The following DISC1 variants were observed in gnomAD, a reference collection of about 807,000 sequenced individuals.
DISC1 encodes disrupted in schizophrenia 1 protein.
In DISC1, 57 loss-of-function variants were observed where a neutral mutation model predicts 84.5. The observed-to-expected ratio is 0.67, with a 90% CI of 0.55 to 0.84. The LOEUF is 0.84. Ranked by LOEUF, DISC1 falls within the 40% of genes least tolerant of loss-of-function variation. The probability of loss-of-function intolerance (pLI) is 0.00; values close to 1 mark genes in which losing one functional copy is unlikely to be tolerated. For missense variants in DISC1, 1,000 were observed against 1,057.8 expected (o/e 0.95, Z 0.76); for synonymous variants, 411 against 415.2 (o/e 0.99, Z 0.12).
chr1:231,857,219 G>A (rs1203035025), intron 9 of DISC1, among the ~76,000 whole-genome samples: 1 of 152,162 alleles, frequency 6.6e-6, no homozygotes, highest in Non-Finnish European at 1.5e-5. Flanking sequence ...AAGGGCTCTA[G>A]GGGACCCTCC....
chr1:231,980,573 CTA>C (rs1434591289), intron 10 of DISC1, among the ~76,000 whole-genome samples: 1 of 152,154 alleles, frequency 6.6e-6, no homozygotes, highest in Non-Finnish European at 1.5e-5. Context: ...AAATATTTTT[CTA>C]TGTTACTATG....
chr1:231,665,675 T>A (rs1432471379), intron 1 of DISC1, among the ~76,000 whole-genome samples: 5 of 152,394 alleles, frequency 3.3e-5, no homozygotes, highest in Non-Finnish European at 7.3e-5. Flanking sequence ...TTTTCTGTTA[T>A]CAATAAGGCT....
chr1:231,691,357 G>C (rs1048001216), intron 1 of DISC1, among the ~76,000 whole-genome samples: 1 of 152,034 alleles, frequency 6.6e-6, no homozygotes, highest in Admixed American at 6.5e-5. Flanking sequence ...CTTGAACCTG[G>C]GAGGTGGAGG....
In DISC1 at chr1:232,031,495, A is replaced by AGAAAG. The variant is rs146946555; in HGVS notation, c.2425+4959_2425+4963dup. Among the ~76,000 whole-genome samples the AGAAAG allele has an allele frequency of 0.024, 3,574 of 151,732 alleles. 55 individuals are homozygous for AGAAAG. Among genetic ancestry groups the AGAAAG allele is most frequent in the South Asian group, 0.049 (232 of 4,772 alleles). On this transcript the variant is annotated intron_variant, in intron 12 of 12. Coordinates refer to ENST00000439617, the MANE Select transcript of DISC1 (RefSeq NM_018662.3). The surrounding 1 kb of genome is among the most constrained non-coding windows in gnomAD (Gnocchi z 4.6). Reference sequence around the variant, plus strand: ...AAGGGAGCAAAAGGGAAGGAAAGAAAGAAAGGAAAGGAAAGGAAAGAAAGA... The same window carrying AGAAAG: ...AAGGGAGCAAAAGGGAAGGAAAGAAAGAAAGGAAAGGAAAGGAAAGGAAAGAAAGA...
At chr1:231,664,782 A>G (rs1336395294) in intron 1 of DISC1, among the ~76,000 whole-genome samples, 1 of 152,174 alleles carries the variant, frequency 6.6e-6, no homozygotes, top group Non-Finnish European at 1.5e-5. Context: ...CGAACGACAC[A>G]GGTTTGAACT....
intron 6 of DISC1, among the ~76,000 whole-genome samples, chr1:231,778,053 G>A (rs2077090372): frequency 6.6e-6 from 1 of 152,160 alleles, no homozygotes. Context: ...TGGGTCTGTG[G>A]GCCCAAGGAA....
chr1:231,910,310 G>T (rs941683912), intron 9 of DISC1, among the ~76,000 whole-genome samples: 3 of 152,142 alleles, frequency 2.0e-5, no homozygotes, highest in Non-Finnish European at 4.4e-5. Context: ...TTGTGGGCAT[G>T]TAGTGCTATA....
chr1:231,701,293 G>A (rs2066384099), intron 2 of DISC1, among the ~76,000 whole-genome samples: 2 of 152,184 alleles, frequency 1.3e-5, no homozygotes, highest in Non-Finnish European at 2.9e-5. Flanking sequence ...CCCACGACAT[G>A]CGGGAATTAT....
intron 9 of DISC1, among the ~76,000 whole-genome samples, chr1:231,899,215 AGCT>A (rs2126022799): frequency 6.6e-6 from 1 of 152,334 alleles, no homozygotes. Flanking sequence ...CTGGGACAGT[AGCT>A]GTCACATGAT....
intron 11 of DISC1, among the ~76,000 whole-genome samples, chr1:232,012,336 G>A (rs1335938365): frequency 2.0e-5 from 3 of 152,148 alleles, no homozygotes; most frequent in Admixed American, 6.5e-5. Flanking sequence ...AAGGTTTAAC[G>A]AAGGAAAACT....
At chr1:231,810,910 G>C (rs1337283563) in intron 8 of DISC1, among the ~76,000 whole-genome samples, 1 of 152,210 alleles carries the variant, frequency 6.6e-6, no homozygotes, top group African/African-American at 2.4e-5. Context: ...ATTTAGAGCA[G>C]GCCAGCTTCC....
chr1:231,916,751 T>C (rs1572040613), intron 9 of DISC1, among the ~76,000 whole-genome samples: 1 of 152,186 alleles, frequency 6.6e-6, no homozygotes. Flanking sequence ...CACAATGAGT[T>C]TATTCTCCTT....
At chr1:232,005,341 T>C (rs1030319695) in intron 10 of DISC1, among the ~76,000 whole-genome samples, 32 of 152,140 alleles carry the variant, frequency 2.1e-4, no homozygotes, top group African/African-American at 7.5e-4. Flanking sequence ...TAGTTCTAGA[T>C]TGCCAGTTAA....
chr1:231,844,804 G>A (rs1297285097), intron 9 of DISC1, among the ~76,000 whole-genome samples: 1 of 151,706 alleles, frequency 6.6e-6, no homozygotes, highest in Non-Finnish European at 1.5e-5. Context: ...GTGGGCGCCT[G>A]TAGTCCCAGC....
chr1:231,931,842 A>C (rs934536046), intron 9 of DISC1, among the ~76,000 whole-genome samples: 25 of 151,890 alleles, frequency 1.6e-4, no homozygotes, highest in Non-Finnish European at 4.4e-5. Flanking sequence ...TTTATAGACA[A>C]GGTCTCACTG....
At chr1:231,912,483 CTGCAGAACAGCAAATAT>C (rs1354809796) in intron 9 of DISC1, among the ~76,000 whole-genome samples, 27 of 152,324 alleles carry the variant, frequency 1.8e-4, no homozygotes, top group Non-Finnish European at 2.6e-4. Context: ...CCAGCAGAGG[CTGCAGAACAGCAAATAT>C]TGCAGAACAG....
chr1:231,666,768 C>T (rs2062061282), intron 1 of DISC1, among the ~76,000 whole-genome samples: 1 of 152,134 alleles, frequency 6.6e-6, no homozygotes, highest in African/African-American at 2.4e-5. Flanking sequence ...AGGCGTTCAT[C>T]TTCACCCCAT....
intron 9 of DISC1, chr1:231,855,022 A>G (rs2125910646): frequency 9.5e-7 from 1 of 1,047,538 alleles, no homozygotes; most frequent in Non-Finnish European, 1.2e-6. Context: ...GGCCCCTACA[A>G]TAATTCTTTA....
chr1:231,697,587 A>C (rs1200856327), intron 2 of DISC1, among the ~76,000 whole-genome samples: 2 of 149,954 alleles, frequency 1.3e-5, no homozygotes, highest in East Asian at 3.9e-4. Flanking sequence ...CTACAGGCGC[A>C]TGCCACCATG....
Sources: gnomAD v4.1 joint callset for allele counts (sites outside exome capture counted in the v4.1 genomes callset) on GRCh38, gnomAD v4.1.1 for gene constraint, Gnocchi (gnomAD v3.1) non-coding constraint, MANE v1.5 for transcripts, NCBI Gene and HGNC (gene_info 2026-07-23, HGNC 2026-07-21) for gene names.